The following NFATC1 variants were observed in gnomAD, a reference collection of about 807,000 sequenced individuals.
NFATC1 encodes nuclear factor of activated T-cells, cytoplasmic 1.
Under a neutral mutation model 76.0 loss-of-function variants are expected in NFATC1, and 22 were observed. That is an observed-to-expected ratio of 0.29 (90% CI 0.21 to 0.41). The LOEUF (loss-of-function observed/expected upper bound fraction) is 0.41. NFATC1 is among the 10% of genes least tolerant of loss of function. NFATC1 has a pLI of 1.00. For synonymous variants in NFATC1, 704 were observed against 613.1 expected, an observed-to-expected ratio of 1.15 and a Z score of -2.19; for missense variants, 1,357 against 1,337.7, an observed-to-expected ratio of 1.01 and a Z score of -0.23.
At chr18:79,478,641 C>A (rs957597589) in intron 8 of NFATC1, among the ~76,000 whole-genome samples, 3 of 152,190 alleles carry the variant, frequency 2.0e-5, no homozygotes, top group Non-Finnish European at 4.4e-5. Context: ...ATGGCCGTGG[C>A]GGGGGCTTTG....
chr18:79,479,180 G>A (rs1053546499), intron 8 of NFATC1, among the ~76,000 whole-genome samples: 19 of 152,242 alleles, frequency 1.2e-4, no homozygotes, highest in African/African-American at 2.7e-4. Flanking sequence ...CTGTTGCACC[G>A]TTGCTTAGCC....
intron 6 of NFATC1, among the ~76,000 whole-genome samples, chr18:79,459,949 G>A (rs1021730360): frequency 1.3e-5 from 2 of 152,202 alleles, no homozygotes; most frequent in African/African-American, 4.8e-5. Flanking sequence ...GCTTTCCAGG[G>A]CCTGGAGGAC....
At chr18:79,512,852 G>A (rs549770135) in intron 9 of NFATC1, among the ~76,000 whole-genome samples, 5 of 152,320 alleles carry the variant, frequency 3.3e-5, no homozygotes, top group East Asian at 1.9e-4. Flanking sequence ...GCGCGCTGAC[G>A]GCCACCAAGT....
intron 7 of NFATC1, 86 bp downstream of exon 7, chr18:79,461,452 G>T (rs2088088013): frequency 1.6e-6 from 2 of 1,280,036 alleles, no homozygotes; most frequent in Non-Finnish European, 1.1e-6. Context: ...CGGGTCCCCA[G>T]GCCTTGGGAG....
At chr18:79,477,006 C>T (rs2089101427) in intron 8 of NFATC1, among the ~76,000 whole-genome samples, 1 of 152,366 alleles carries the variant, frequency 6.6e-6, no homozygotes, top group Admixed American at 6.5e-5. Flanking sequence ...CCACATCAGG[C>T]GGTGCCTGGT....
intron 4 of NFATC1, among the ~76,000 whole-genome samples, chr18:79,449,661 G>C (rs1344524859): frequency 6.6e-6 from 1 of 152,202 alleles, no homozygotes; most frequent in Admixed American, 6.5e-5. Flanking sequence ...AGACCAGCAG[G>C]ATGGAGCCAG....
At chr18:79,489,693 C>T (rs445630) in intron 9 of NFATC1, among the ~76,000 whole-genome samples, 80,832 of 152,074 alleles carry the variant, frequency 0.53, 22,927 homozygotes, top group Middle Eastern at 0.66. Flanking sequence ...GCAGACCACA[C>T]CCCAGCCCAC....
chr18:79,434,584 C>T (rs2086706678), intron 3 of NFATC1, among the ~76,000 whole-genome samples: 2 of 152,376 alleles, frequency 1.3e-5, no homozygotes, highest in East Asian at 3.9e-4. Context: ...TGTCCAGCCC[C>T]AGGGCTCCAG....
chr18:79,490,411 C>T (rs1569025996), intron 9 of NFATC1, among the ~76,000 whole-genome samples: 1 of 151,656 alleles, frequency 6.6e-6, no homozygotes, highest in Admixed American at 6.6e-5. Context: ...CTGGTGCAGG[C>T]CCGGCTCTGG....
chr18:79,507,530 T>C (rs966170047), intron 9 of NFATC1, among the ~76,000 whole-genome samples: 24 of 152,174 alleles, frequency 1.6e-4, no homozygotes, highest in African/African-American at 5.8e-4. Flanking sequence ...CTCAAGTGGA[T>C]GGGTTTGCAG....
intron 6 of NFATC1, among the ~76,000 whole-genome samples, chr18:79,456,831 C>T (rs373113403): frequency 3.4e-4 from 52 of 152,320 alleles, no homozygotes; most frequent in African/African-American, 1.1e-3. Context: ...TGCCCTCTGA[C>T]GGGGCTGGGT....
intron 6 of NFATC1, among the ~76,000 whole-genome samples, chr18:79,456,157 G>C (rs2087713419): frequency 6.6e-6 from 1 of 152,204 alleles, no homozygotes; most frequent in Admixed American, 6.5e-5. Context: ...CAGGACACTT[G>C]CAAGGACACG....
intron 3 of NFATC1, among the ~76,000 whole-genome samples, chr18:79,443,539 C>G (rs1262088147): frequency 6.6e-6 from 1 of 152,174 alleles, no homozygotes; most frequent in African/African-American, 2.4e-5. Flanking sequence ...GTTTCCCAGT[C>G]GGCGCCCGTG....
intron 9 of NFATC1, among the ~76,000 whole-genome samples, chr18:79,514,315 C>A (rs925735930): frequency 1.3e-5 from 2 of 151,902 alleles, no homozygotes; most frequent in African/African-American, 4.8e-5. Flanking sequence ...TGGTGCACAC[C>A]TGTGGTCCCA....
Position 79,427,514 on chromosome 18 carries a change from C to T in NFATC1, c.1227-6065C>T, listed in dbSNP as rs1451858447. Among the ~76,000 whole-genome samples the T allele has an allele frequency of 7.5e-4, 25 of 33,216 alleles. 1 individual carries two copies. Among genetic ancestry groups the T allele is most frequent in the African/African-American group, 2.0e-3 (17 of 8,452 alleles). The allele number at this position is 33,216 out of a possible 152,430, so 21.8% of individuals were successfully genotyped here. On this transcript the variant is annotated intron_variant, in intron 2 of 9. Coordinates refer to ENST00000427363, the MANE Select transcript of NFATC1 (RefSeq NM_001278669.2). ...GTGCGGTGGGTCGGGGGAAGCTGGACGGCTGGCCTCTGTGCAGTGGGTGGG... is the reference window on the plus strand; with the variant it reads ...GTGCGGTGGGTCGGGGGAAGCTGGATGGCTGGCCTCTGTGCAGTGGGTGGG...
At chr18:79,494,917 G>A (rs925153821) in intron 9 of NFATC1, among the ~76,000 whole-genome samples, 24 of 149,254 alleles carry the variant, frequency 1.6e-4, no homozygotes, top group African/African-American at 4.9e-4. Context: ...GGGGGAAAGC[G>A]AGAGCGGGCA....
At chr18:79,466,823 CCTGCTCCT>C (rs1199327919) in intron 7 of NFATC1, among the ~76,000 whole-genome samples, 5 of 152,228 alleles carry the variant, frequency 3.3e-5, no homozygotes, top group Admixed American at 1.3e-4. Context: ...CCAGGAAGCA[CCTGCTCCT>C]CTGGGTTTCG....
chr18:79,430,951 T>C (rs1414224449), intron 2 of NFATC1, among the ~76,000 whole-genome samples: 1 of 152,176 alleles, frequency 6.6e-6, no homozygotes, highest in African/African-American at 2.4e-5. Context: ...GAGGCCTGGG[T>C]CCAGCCGCCT....
At position 79,491,683 on chromosome 18, in the gene NFATC1, G is replaced by A. The variant is rs535641031; in HGVS notation, c.2782+4746G>A. On this transcript the variant is annotated intron_variant, in intron 9 of 9. Transcript: ENST00000427363. ...CCTTCTGCGTTCCGCTGGCCTGGCCGCCACCTCCAGGGACAACAAGCCTGG... is the reference window on the plus strand; with the variant it reads ...CCTTCTGCGTTCCGCTGGCCTGGCCACCACCTCCAGGGACAACAAGCCTGG... 1.0e-3 allele frequency among the ~76,000 whole-genome samples: 158 copies of A among 152,332 alleles called. 2 individuals are homozygous for A. In the Middle Eastern group the frequency reaches 0.031, roughly 30 times the overall value.
Sources: gnomAD v4.1 joint callset for allele counts (sites outside exome capture counted in the v4.1 genomes callset) on GRCh38, gnomAD v4.1.1 for gene constraint, MANE v1.5 for transcripts, NCBI Gene and HGNC (gene_info 2026-07-23, HGNC 2026-07-21) for gene names.